The following CDC42BPB variants were observed in gnomAD, a reference collection of about 807,000 sequenced individuals.
The protein encoded by CDC42BPB is CDC42 binding protein kinase beta.
In CDC42BPB, 37 loss-of-function variants were observed where a neutral mutation model predicts 214.9. That is an observed-to-expected ratio of 0.17 (90% CI 0.13 to 0.23). The LOEUF is 0.23. CDC42BPB is among the 10% of genes least tolerant of loss of function. The probability of loss-of-function intolerance (pLI) is 1.00; values close to 1 mark genes in which losing one functional copy is unlikely to be tolerated. For missense variants in CDC42BPB, 1,694 were observed against 2,227.0 expected, an observed-to-expected ratio of 0.76 and a Z score of 4.82; for synonymous variants, 931 against 884.0, an observed-to-expected ratio of 1.05 and a Z score of -0.94.
In CDC42BPB at chr14:102,949,698, C is replaced by T. The variant is rs571952872; in HGVS notation, c.3449+67G>A. 19 of 1,594,698 alleles carry T rather than the reference C, an allele frequency of 1.2e-5. No individual in the cohort carries two copies. The South Asian group carries it at 1.4e-4, about 12-fold the overall frequency. ...GGTGAAAGACTACTAAGGAACACAC[C>T]GTCCTTTTGGCTAAAGATAGCTGAG... On this transcript the variant is annotated intron_variant, in intron 26 of 36. Transcript: ENST00000361246.
chr14:102,932,723 C>G lies in CDC42BPB; in HGVS notation c.*989G>C, dbSNP rs1446295315. The G allele has an allele frequency of 6.6e-6, 1 of 152,522 alleles. No homozygotes were observed. Among genetic ancestry groups the G allele is most frequent in the Non-Finnish European group, 1.5e-5 (1 of 68,066 alleles). 9.4% of individuals were successfully genotyped at this position (152,522 alleles called of 1,614,324 possible). On this transcript the variant is annotated 3_prime_UTR_variant, in exon 37 of 37. Coordinates refer to ENST00000361246, the MANE Select transcript of CDC42BPB (RefSeq NM_006035.4). ...GACGACACAGGGCCACAGAGCTGGTCACTCAACATCTGGTACAAAGGGTGA... is the reference window on the plus strand; with the variant it reads ...GACGACACAGGGCCACAGAGCTGGTGACTCAACATCTGGTACAAAGGGTGA...
At chr14:102,958,251 A>C (rs1355606208) in intron 21 of CDC42BPB, among the ~76,000 whole-genome samples, 3 of 152,222 alleles carry the variant, frequency 2.0e-5, no homozygotes, top group Non-Finnish European at 4.4e-5. Flanking sequence ...AGAATGCCCC[A>C]ATCGTAGGAA....
At chr14:102,981,160 TAATA>T (rs1893980112) in intron 7 of CDC42BPB, 139 bp from the exon 8 acceptor site, 7 of 1,455,200 alleles carry the variant, frequency 4.8e-6, no homozygotes, top group Non-Finnish European at 6.3e-6. Context: ...AATCCAAAGC[TAATA>T]AATTTCCATT....
intron 11 of CDC42BPB, among the ~76,000 whole-genome samples, chr14:102,974,988 T>C (rs1244099911): frequency 6.6e-6 from 1 of 152,212 alleles, no homozygotes; most frequent in Non-Finnish European, 1.5e-5. Context: ...TTGGAGCTTT[T>C]AGGGAACTTT....
At chr14:102,951,404 G>A (rs1428933014) in intron 24 of CDC42BPB, among the ~76,000 whole-genome samples, 1 of 152,216 alleles carries the variant, frequency 6.6e-6, no homozygotes, top group East Asian at 1.9e-4. Flanking sequence ...GGTGGCTTGG[G>A]GTGGTTGCTC....
At chr14:102,981,735 C>T (rs1894012384) in intron 7 of CDC42BPB, among the ~76,000 whole-genome samples, 2 of 152,184 alleles carry the variant, frequency 1.3e-5, no homozygotes, top group Non-Finnish European at 2.9e-5. Context: ...CAAGATCGTG[C>T]CACTGCACTC....
chr14:102,951,792 AAG>A (rs2139397584), intron 24 of CDC42BPB, among the ~76,000 whole-genome samples: 1 of 152,346 alleles, frequency 6.6e-6, no homozygotes, highest in South Asian at 2.1e-4. Flanking sequence ...TGTCTCGAAA[AAG>A]AAATAGAAAA....
chr14:103,053,458 A>C (rs1220578518), intron 1 of CDC42BPB, among the ~76,000 whole-genome samples: 1 of 151,872 alleles, frequency 6.6e-6, no homozygotes, highest in Non-Finnish European at 1.5e-5. Flanking sequence ...ACAAAAACCT[A>C]CAATGAAAGT....
At chr14:103,019,123 G>A (rs973337202) in intron 1 of CDC42BPB, among the ~76,000 whole-genome samples, 5 of 152,022 alleles carry the variant, frequency 3.3e-5, no homozygotes, top group South Asian at 2.1e-4. Context: ...TTTTAGAGAC[G>A]GGGTCTTGCT....
intron 4 of CDC42BPB, 83 bp from the exon 5 acceptor site, chr14:102,999,796 G>T (rs961759096): frequency 1.9e-6 from 3 of 1,555,122 alleles, no homozygotes; most frequent in Non-Finnish European, 2.6e-6. Context: ...CTTCCATGGC[G>T]AGGTTCTCAG....
chr14:102,939,808 C>T, intron 33 of CDC42BPB, 22 bp downstream of exon 33: 3 of 1,613,980 alleles, frequency 1.9e-6, no homozygotes, highest in Non-Finnish European at 2.5e-6. Flanking sequence ...GCCCAGCAGG[C>T]CCCGTGAGGC....
In CDC42BPB at chr14:103,021,326, C is replaced by T. The variant is rs112683702; in HGVS notation, c.176-9138G>A. Among the ~76,000 whole-genome samples, 749 of 152,158 alleles carry T rather than the reference C, an allele frequency of 4.9e-3. 11 individuals are homozygous for T. Among genetic ancestry groups the T allele is most frequent in the African/African-American group, 0.017 (696 of 41,520 alleles). On this transcript the variant is annotated intron_variant, in intron 1 of 36. Coordinates refer to ENST00000361246, the MANE Select transcript of CDC42BPB (RefSeq NM_006035.4). ...ATATTTTTTAAAAAAATTAGCCAGG[C>T]GTGGTGGCGGGCACCTGTAGTCCCA...
In CDC42BPB at chr14:103,004,038, G is replaced by C. The variant is rs1458680087; in HGVS notation, c.352-15C>G. On this transcript the variant is annotated splice_polypyrimidine_tract_variant and intron_variant, in intron 3 of 36. Transcript: ENST00000361246. The surrounding 1 kb of genome is among the most constrained non-coding windows in gnomAD (Gnocchi z 5.3). ...AAGCACGCGGTCTGCAAAGCAACGA[G>C]GGGTGTCAGTCTGTGTTCACTGGGA... The C allele has an allele frequency of 6.3e-7, 1 of 1,589,204 alleles. No homozygotes were observed. Among genetic ancestry groups the C allele is most frequent in the African/African-American group, 1.3e-5 (1 of 74,570 alleles).
chr14:103,040,187 T>C (rs977908648), intron 1 of CDC42BPB, among the ~76,000 whole-genome samples: 8 of 152,188 alleles, frequency 5.3e-5, no homozygotes, highest in Non-Finnish European at 7.4e-5. Flanking sequence ...AAACCCTGTC[T>C]GTACTAAAAA....
intron 1 of CDC42BPB, chr14:103,041,586 T>C (rs1227410196): frequency 1.9e-6 from 2 of 1,038,340 alleles, no homozygotes; most frequent in African/African-American, 1.6e-5. Flanking sequence ...CCGGGCAAGC[T>C]AAAGTGCCCC....
At chr14:102,973,948 A>G in intron 12 of CDC42BPB, 68 bp downstream of exon 12, 1 of 1,525,426 alleles carries the variant, frequency 6.6e-7, no homozygotes, top group East Asian at 2.3e-5. Context: ...CATCATCGGC[A>G]TGAACGTGAC....
At chr14:102,967,575 C>A (rs1446027255) in intron 16 of CDC42BPB, among the ~76,000 whole-genome samples, 2 of 152,252 alleles carry the variant, frequency 1.3e-5, no homozygotes, top group Non-Finnish European at 2.9e-5. Context: ...GGCTGCCGCA[C>A]ACCAGGCCCT....
intron 1 of CDC42BPB, among the ~76,000 whole-genome samples, chr14:103,046,228 C>T (rs1023196375): frequency 6.6e-6 from 1 of 151,996 alleles, no homozygotes; most frequent in African/African-American, 2.4e-5. Context: ...CCCTAAACCC[C>T]AAGCAGGAGA....
At position 102,944,610 on chromosome 14, in the gene CDC42BPB, G is replaced by A; in HGVS notation, c.3812-123C>T. ...GCCCTCCCCTGGGCTCCCTTCCTGT[G>A]TGCACAGCCTGAGCCCGGCCCTGAG... On this transcript the variant is annotated intron_variant, in intron 29 of 36. Coordinates refer to ENST00000361246, the MANE Select transcript of CDC42BPB (RefSeq NM_006035.4). This position sits in a 1 kb window ranked among gnomAD's most constrained non-coding sequence, Gnocchi z 6.6. 6.8e-7 allele frequency: 1 copy of A among 1,469,868 alleles called. No homozygotes were observed. The highest frequency in any genetic ancestry group is 9.0e-7 in the Non-Finnish European group (1 of 1,112,344). 91.1% of individuals were successfully genotyped at this position (1,469,868 alleles called of 1,614,324 possible).
Sources: allele counts gnomAD v4.1 joint callset (sites outside exome capture counted in the v4.1 genomes callset), GRCh38; gene constraint gnomAD v4.1.1; non-coding constraint Gnocchi (gnomAD v3.1); transcripts MANE v1.5; gene names NCBI Gene and HGNC (gene_info 2026-07-23, HGNC 2026-07-21).